Variants in DNAH9 observed in about 807,000 individuals in gnomAD.
DNAH9 encodes DNAH9 variant protein.
A neutral mutation model predicts 471.6 loss-of-function variants in DNAH9; 345 were observed. The ratio of observed to expected loss-of-function variants is 0.73; its 90% CI spans 0.67 to 0.80. The LOEUF (loss-of-function observed/expected upper bound fraction) is 0.80, where lower values mean the gene tolerates loss of function less well. DNAH9 is among the 30% of genes least tolerant of loss of function. The pLI is 0.00. For synonymous variants in DNAH9, 2,093 were observed against 2,123.6 expected (o/e 0.99, Z 0.40); for missense variants, 5,407 against 5,609.2 (o/e 0.96, Z 1.15).
At chr17:11,634,835 GA>G (rs1369845118) in intron 8 of DNAH9, among the ~76,000 whole-genome samples, 1 of 152,148 alleles carries the variant, frequency 6.6e-6, no homozygotes, top group Non-Finnish European at 1.5e-5. Flanking sequence ...GGATGCCTCA[GA>G]CTTCTAGGAG....
At chr17:11,680,567 G>A (rs1885413576) in intron 18 of DNAH9, among the ~76,000 whole-genome samples, 156 bp from the exon 19 acceptor site, 1 of 152,112 alleles carries the variant, frequency 6.6e-6, no homozygotes, top group Admixed American at 6.6e-5. Flanking sequence ...GGAAGAGTGG[G>A]TGGAGGGCAG....
intron 30 of DNAH9, among the ~76,000 whole-genome samples, chr17:11,743,359 G>A (rs1334146477): frequency 1.3e-5 from 2 of 152,136 alleles, no homozygotes; most frequent in African/African-American, 4.8e-5. Context: ...TGAGTTCCAA[G>A]CACCCATATC....
chr17:11,689,985 A>C lies in DNAH9; in HGVS notation c.4163A>C (p.Gln1388Pro), dbSNP rs2074304861. 1 of 1,614,014 alleles carries C rather than the reference A, an allele frequency of 6.2e-7. No individual in the cohort carries two copies. Among genetic ancestry groups the C allele is most frequent in the Non-Finnish European group, 8.5e-7 (1 of 1,180,014 alleles). Residue 1388 changes from glutamine to proline, a missense_variant, in exon 20 of 69, where the codon CAG becomes CCG. Coordinates refer to ENST00000262442, the MANE Select transcript of DNAH9 (RefSeq NM_001372.4). ...GCCATCCGGGAGCGGCACTGGAGGC[A>C]GCTGATGCAGGCCACCGGTGTGAGC... is the stretch of plus-strand genomic sequence containing the variant. ...NPAIRERHWR[Q>P]LMQATGVSFT...
rs867544213 is a variant in DNAH9 at position 11,775,835 on chromosome 17, G to C, written c.7553-5174G>C. On this transcript the variant is annotated intron_variant, in intron 38 of 68. Transcript: ENST00000262442. ...TCTCAATCTCCTGACCTCGTGATCC[G>C]CCCGCCTCGGGCTCCCAAAGTGCTG... is the stretch of plus-strand genomic sequence containing the variant. 2.0e-5 allele frequency among the ~76,000 whole-genome samples: 3 copies of C among 152,006 alleles called. No individual in the cohort carries two copies. In the South Asian group the frequency reaches 6.2e-4, roughly 32 times the overall value.
Position 11,857,870 on chromosome 17 carries a change from C to T in DNAH9, c.9933+3442C>T, listed in dbSNP as rs1567853158. 4.6e-5 allele frequency among the ~76,000 whole-genome samples: 7 copies of T among 152,180 alleles called. No individual in the cohort carries two copies. In the South Asian group the frequency reaches 1.4e-3, roughly 31 times the overall value. On this transcript the variant is annotated intron_variant, in intron 50 of 68. Coordinates refer to ENST00000262442, the MANE Select transcript of DNAH9 (RefSeq NM_001372.4). ...TCCTGCTCTGGCCATATGATGTGCT[C>T]CTGCTTTGCCTTCCACCATGAGTAG...
At chr17:11,753,522 C>T (rs1055309108) in intron 33 of DNAH9, among the ~76,000 whole-genome samples, 2 of 152,140 alleles carry the variant, frequency 1.3e-5, no homozygotes, top group Admixed American at 6.6e-5. Flanking sequence ...AAAAAATTAG[C>T]TAGGCGTTGT....
At chr17:11,908,383 G>A (rs1263824492) in intron 61 of DNAH9, among the ~76,000 whole-genome samples, 1 of 152,188 alleles carries the variant, frequency 6.6e-6, no homozygotes, top group Non-Finnish European at 1.5e-5. Flanking sequence ...ATACATAGTA[G>A]TCAGATCAGG....
At position 11,786,670 on chromosome 17, in the gene DNAH9, G is replaced by C. The variant is rs927092785; in HGVS notation, c.8061+2131G>C. ...TCGCATAATGGTAAGCAGCAGCATT[G>C]ATAGAACAGCTAGAATGTTCAGCAC... is the stretch of plus-strand genomic sequence containing the variant. On this transcript the variant is annotated intron_variant, in intron 41 of 68. Coordinates refer to ENST00000262442, the MANE Select transcript of DNAH9 (RefSeq NM_001372.4). Among the ~76,000 whole-genome samples the C allele has an allele frequency of 9.2e-5, 14 of 152,244 alleles. No individual in the cohort carries two copies. In the East Asian group the frequency reaches 1.5e-3, roughly 17 times the overall value.
At chr17:11,605,060 T>A (rs1368987959) in intron 1 of DNAH9, among the ~76,000 whole-genome samples, 1 of 152,184 alleles carries the variant, frequency 6.6e-6, no homozygotes, top group Non-Finnish European at 1.5e-5. Context: ...GATCACTCTG[T>A]CCCCGCTTTC....
At chr17:11,961,442 T>C (rs1976168961) in intron 67 of DNAH9, among the ~76,000 whole-genome samples, 1 of 152,220 alleles carries the variant, frequency 6.6e-6, no homozygotes, top group South Asian at 2.1e-4. Context: ...AAGAAATCCC[T>C]GATTTGGGGG....
intron 30 of DNAH9, among the ~76,000 whole-genome samples, chr17:11,742,571 TC>T (rs1021173240): frequency 6.6e-6 from 1 of 152,102 alleles, no homozygotes; most frequent in Non-Finnish European, 1.5e-5. Context: ...GACACCAGCG[TC>T]CCATGAGAGA....
chr17:11,649,424 TATAAA>T (rs1372297663), intron 12 of DNAH9, among the ~76,000 whole-genome samples: 1 of 152,204 alleles, frequency 6.6e-6, no homozygotes, highest in African/African-American at 2.4e-5. Flanking sequence ...TTTTGTTGCG[TATAAA>T]ATAATAGTGA....
At chr17:11,840,151 A>T (rs1970981731) in intron 49 of DNAH9, among the ~76,000 whole-genome samples, 1 of 152,240 alleles carries the variant, frequency 6.6e-6, no homozygotes. Context: ...AAGCCAAAAT[A>T]TGGAGAAAAC....
At chr17:11,667,295 CATA>C (rs1567703712) in intron 15 of DNAH9, among the ~76,000 whole-genome samples, 2 of 151,880 alleles carry the variant, frequency 1.3e-5, no homozygotes, top group Admixed American at 6.6e-5. Context: ...ATTTTATAAA[CATA>C]GTAGTTTTTA....
intron 28 of DNAH9, among the ~76,000 whole-genome samples, chr17:11,734,296 C>G (rs1419440465): frequency 6.6e-6 from 1 of 152,192 alleles, no homozygotes; most frequent in African/African-American, 2.4e-5. Flanking sequence ...GCACAGTCAT[C>G]TCAACCCTGG....
chr17:11,833,054 A>G (rs1176390147), intron 48 of DNAH9, among the ~76,000 whole-genome samples: 1 of 152,168 alleles, frequency 6.6e-6, no homozygotes, highest in Non-Finnish European at 1.5e-5. Flanking sequence ...CATTTCTAAC[A>G]AGTTTCTAGG....
intron 25 of DNAH9, 135 bp downstream of exon 25, chr17:11,704,577 T>A: frequency 2.9e-6 from 2 of 687,430 alleles, no homozygotes; most frequent in Non-Finnish European, 4.6e-6. Flanking sequence ...CAGTGGCTGC[T>A]CCTACTTTTT....
Position 11,883,518 on chromosome 17 carries a change from C to T in DNAH9, c.10807-68C>T. The T allele has an allele frequency of 2.6e-6, 4 of 1,566,406 alleles. No individual in the cohort carries two copies. The South Asian group carries it at 4.7e-5, about 18-fold the overall frequency. ...TAAGGCAAGGGACTCTCGCCCTATT[C>T]AGACACATCCTTAGAGCAGGATGCC... On this transcript the variant is annotated intron_variant, in intron 55 of 68. Coordinates refer to ENST00000262442, the MANE Select transcript of DNAH9 (RefSeq NM_001372.4).
intron 68 of DNAH9, among the ~76,000 whole-genome samples, chr17:11,965,609 C>T (rs2108696): frequency 0.17 from 26,524 of 152,054 alleles, 2,417 homozygotes; most frequent in Admixed American, 0.21. Flanking sequence ...AAGCAATCAA[C>T]GCAAACTATT....
Sources: gnomAD v4.1 joint callset for allele counts (sites outside exome capture counted in the v4.1 genomes callset) on GRCh38, gnomAD v4.1.1 for gene constraint, MANE v1.5 for transcripts, NCBI Gene and HGNC (gene_info 2026-07-23, HGNC 2026-07-21) for gene names.